The following ABCC1 variants were observed in gnomAD, a reference collection of about 807,000 sequenced individuals.
The protein encoded by ABCC1 is multidrug resistance-associated protein 1.
A neutral mutation model predicts 172.9 loss-of-function variants in ABCC1; 83 were observed. The observed-to-expected ratio is 0.48, with a 90% CI of 0.40 to 0.58. The LOEUF (loss-of-function observed/expected upper bound fraction) is 0.58. Among genes scored for constraint, ABCC1 ranks in the 20% least tolerant of loss-of-function variants. The pLI, the probability that ABCC1 is intolerant of heterozygous loss-of-function variation, is 0.00. For missense variants in ABCC1, 1,817 were observed against 2,002.7 expected, an observed-to-expected ratio of 0.91 and a Z score of 1.77; for synonymous variants, 937 against 825.2, an observed-to-expected ratio of 1.14 and a Z score of -2.32.
chr16:16,119,817 C>G (rs2152109230), intron 23 of ABCC1, among the ~76,000 whole-genome samples: 1 of 152,244 alleles, frequency 6.6e-6, no homozygotes, highest in South Asian at 2.1e-4. Context: ...CGATTTGCAT[C>G]TGGATTGTTC....
At position 16,083,449 on chromosome 16, in the gene ABCC1, G is replaced by A. The variant is rs1454184565; in HGVS notation, c.2199G>A (p.Glu733=). ...RENILFGCQL[E]EPYYRSVIQA... ...ACATCCTTTTTGGATGTCAGCTGGA[G>A]GAACCATATTACAGGTCCGTGATAC... The change falls in exon 17 of 31, where the codon GAG becomes GAA. Residue 733 remains glutamate, a synonymous_variant. Coordinates refer to ENST00000399410, the MANE Select transcript of ABCC1 (RefSeq NM_004996.4). 6.2e-7 allele frequency: 1 copy of A among 1,613,968 alleles called. No individual in the cohort carries two copies. Among genetic ancestry groups the A allele is most frequent in the Admixed American group, 1.7e-5 (1 of 60,028 alleles).
chr16:16,028,150 G>T (rs997976229), intron 5 of ABCC1, among the ~76,000 whole-genome samples: 1 of 152,100 alleles, frequency 6.6e-6, no homozygotes, highest in African/African-American at 2.4e-5. Context: ...TTCCAGAAAC[G>T]GTTGGTTAAC....
chr16:16,105,788 A>G (rs1386450580), intron 20 of ABCC1, among the ~76,000 whole-genome samples: 2 of 145,116 alleles, frequency 1.4e-5, no homozygotes, highest in Non-Finnish European at 3.0e-5. Flanking sequence ...GCGCGATGTC[A>G]GCCACTGAAC....
At chr16:16,104,940 G>C (rs947236837) in intron 20 of ABCC1, among the ~76,000 whole-genome samples, 35 of 152,160 alleles carry the variant, frequency 2.3e-4, no homozygotes, top group Non-Finnish European at 4.4e-5. Flanking sequence ...CCACCGAGCC[G>C]ACGCCCACCC....
intron 21 of ABCC1, among the ~76,000 whole-genome samples, chr16:16,108,799 T>C (rs2152078114): frequency 6.6e-6 from 1 of 152,066 alleles, no homozygotes; most frequent in South Asian, 2.1e-4. Context: ...GGTTTCGCCC[T>C]GTCGCCCAGA....
At chr16:16,010,275 A>G (rs1008267577) in intron 3 of ABCC1, among the ~76,000 whole-genome samples, 13 of 151,958 alleles carry the variant, frequency 8.6e-5, no homozygotes, top group Admixed American at 3.9e-4. Context: ...GGCTGGTCTT[A>G]GACTCCTGGC....
chr16:16,131,660 A>C (rs1049203823), intron 26 of ABCC1, 129 bp from the exon 27 acceptor site: 14 of 998,906 alleles, frequency 1.4e-5, no homozygotes, highest in Non-Finnish European at 2.0e-5. Context: ...CAGGAAGGGC[A>C]ACCCCCCAGT....
At chr16:16,012,286 G>T (rs531869820) in intron 3 of ABCC1, among the ~76,000 whole-genome samples, 47 of 152,294 alleles carry the variant, frequency 3.1e-4, no homozygotes, top group Admixed American at 1.4e-3. Context: ...CTAGGCCCCA[G>T]CGTGTAGCCT....
At chr16:16,119,299 G>C (rs2045047610) in intron 23 of ABCC1, among the ~76,000 whole-genome samples, 1 of 152,256 alleles carries the variant, frequency 6.6e-6, no homozygotes, top group South Asian at 2.1e-4. Flanking sequence ...AAATTAGCTG[G>C]GTGTGGTGGC....
In ABCC1 at chr16:16,131,908, C is replaced by A. The variant is rs750122499; in HGVS notation, c.3939C>A (p.Ile1313=). 3 of 1,614,060 alleles carry A rather than the reference C, an allele frequency of 1.9e-6. No individual in the cohort carries two copies. Among genetic ancestry groups the A allele is most frequent in the Non-Finnish European group, 2.5e-6 (3 of 1,179,976 alleles). ...REDLDFVLRH[I]NVTINGGEKV... is the part of the protein sequence containing the mutation. The stretch of plus-strand genomic sequence containing the variant: ...ACCTGGACTTCGTTCTCAGGCACAT[C>A]AATGTCACGATCAATGGGGGAGAAA... Residue 1313 remains isoleucine, a synonymous_variant, in exon 27 of 31, where the codon ATC becomes ATA. Coordinates refer to ENST00000399410, the MANE Select transcript of ABCC1 (RefSeq NM_004996.4).
In ABCC1 at chr16:16,067,229, C is replaced by T. The variant is rs534762457; in HGVS notation, c.1678-927C>T. Among the ~76,000 whole-genome samples, 15 of 152,178 alleles carry T rather than the reference C, an allele frequency of 9.9e-5. No individual in the cohort carries two copies. The East Asian group carries it at 2.1e-3, about 22-fold the overall frequency. On this transcript the variant is annotated intron_variant, in intron 12 of 30. Coordinates refer to ENST00000399410, the MANE Select transcript of ABCC1 (RefSeq NM_004996.4). ...TGCACCACTGCACCCAGGGATCATG[C>T]GTCCCTGTCGTTTCGAGCACCTTGC...
chr16:16,092,573 T>C (rs771044254), intron 19 of ABCC1, among the ~76,000 whole-genome samples: 3 of 152,248 alleles, frequency 2.0e-5, no homozygotes, highest in Non-Finnish European at 4.4e-5. Flanking sequence ...TATTGCGGAA[T>C]AATATGCCAT....
At chr16:16,020,339 C>G (rs1239560235) in intron 5 of ABCC1, among the ~76,000 whole-genome samples, 1 of 152,196 alleles carries the variant, frequency 6.6e-6, no homozygotes, top group Non-Finnish European at 1.5e-5. Context: ...GGCTGACACT[C>G]TCTGTCCAGG....
intron 1 of ABCC1, among the ~76,000 whole-genome samples, chr16:15,976,804 T>C (rs2046504255): frequency 6.6e-6 from 1 of 152,112 alleles, no homozygotes; most frequent in South Asian, 2.1e-4. Context: ...GCAATAGCCA[T>C]GAGAGATGGG....
intron 1 of ABCC1, among the ~76,000 whole-genome samples, chr16:15,979,403 A>G (rs902084534): frequency 8.6e-5 from 13 of 150,504 alleles, no homozygotes; most frequent in African/African-American, 2.5e-4. Flanking sequence ...AAGTGTATTT[A>G]TTAATTCTTT....
chr16:16,101,789 T>G (rs1208421533), intron 19 of ABCC1, among the ~76,000 whole-genome samples: 1 of 152,198 alleles, frequency 6.6e-6, no homozygotes, highest in African/African-American at 2.4e-5. Context: ...GTGCACTTGA[T>G]AAATGTTGGC....
At chr16:16,133,528 C>T (rs746036305) in intron 27 of ABCC1, among the ~76,000 whole-genome samples, 67 of 152,154 alleles carry the variant, frequency 4.4e-4, no homozygotes, top group Non-Finnish European at 7.8e-4. Flanking sequence ...CTCCGTCTCC[C>T]GAGTATCTGG....
At chr16:16,000,353 C>T (rs957937152) in intron 1 of ABCC1, among the ~76,000 whole-genome samples, 8 of 127,376 alleles carry the variant, frequency 6.3e-5, no homozygotes, top group African/African-American at 2.1e-4. Context: ...CCATGTTGTC[C>T]AGGCTGGTTT....
rs898969769 is a variant in ABCC1, at chr16:16,106,076, C to T, written c.2736-662C>T. On this transcript the variant is annotated intron_variant, in intron 20 of 30. Coordinates refer to ENST00000399410, the MANE Select transcript of ABCC1 (RefSeq NM_004996.4). ...ATTTTTAGTAGAGACGGGGTTTCAC[C>T]GTGTTGGCCAGGCTAGTCTTGAACT... 1.8e-4 allele frequency among the ~76,000 whole-genome samples: 28 copies of T among 151,884 alleles called. 1 individual carries two copies. Among genetic ancestry groups the T allele is most frequent in the Admixed American group, 3.9e-4 (6 of 15,236 alleles).
Sources: gnomAD v4.1 joint callset for allele counts (sites outside exome capture counted in the v4.1 genomes callset) on GRCh38, gnomAD v4.1.1 for gene constraint, MANE v1.5 for transcripts, NCBI Gene and HGNC (gene_info 2026-07-23, HGNC 2026-07-21) for gene names.